Variants in EEF1D observed in about 807,000 individuals in gnomAD.
EEF1D encodes eukaryotic translation elongation factor 1 delta.
Under a neutral mutation model 63.9 loss-of-function variants are expected in EEF1D, and 47 were observed. The observed-to-expected ratio is 0.74, with a 90% CI of 0.58 to 0.94. The LOEUF is 0.94. Ranked by LOEUF, EEF1D falls within the 40% of genes least tolerant of loss-of-function variation. EEF1D has a pLI of 0.00. For synonymous variants in EEF1D, 412 were observed against 386.1 expected, an observed-to-expected ratio of 1.07 and a Z score of -0.79; for missense variants, 907 against 899.0, an observed-to-expected ratio of 1.01 and a Z score of -0.11.
chr8:143,590,188 CTCCCT>C, intron 2 of EEF1D, 107 bp from the exon 3 acceptor site: 2 of 1,517,044 alleles, frequency 1.3e-6, no homozygotes, highest in Non-Finnish European at 1.8e-6. Flanking sequence ...CGTGGCTGCC[CTCCCT>C]GGGCAGGGGC....
At chr8:143,586,404 G>T (rs776473446) in intron 4 of EEF1D, 114 bp from the exon 5 acceptor site, 4 of 1,045,604 alleles carry the variant, frequency 3.8e-6, no homozygotes, top group Non-Finnish European at 5.4e-6. Context: ...AGAAAGTACT[G>T]CACAGAACGA....
chr8:143,584,785 A>G (rs2130921885), intron 5 of EEF1D, among the ~76,000 whole-genome samples: 1 of 152,320 alleles, frequency 6.6e-6, no homozygotes, highest in South Asian at 2.1e-4. Flanking sequence ...TGGGCCACAC[A>G]GGAGCGCTCC....
chr8:143,587,069 A>T (rs1826804725), intron 3 of EEF1D: 1 of 514,404 alleles, frequency 1.9e-6, no homozygotes, highest in African/African-American at 2.0e-5. Context: ...AGAACCTCTG[A>T]GGGTCCCCAG....
intron 5 of EEF1D, chr8:143,582,959 C>T (rs1347253607): frequency 1.3e-5 from 2 of 152,284 alleles, no homozygotes; most frequent in Non-Finnish European, 2.9e-5. Context: ...TGAGCACTCC[C>T]ACCCCAAATC....
At position 143,589,065 on chromosome 8, in the gene EEF1D, C is replaced by T; in HGVS notation, c.1017G>A (p.Trp339Ter). 6.2e-7 allele frequency: 1 copy of T among 1,608,516 alleles called. No homozygotes were observed. Among genetic ancestry groups the T allele is most frequent in the Non-Finnish European group, 8.5e-7 (1 of 1,179,480 alleles). The change falls in exon 3 of 10, where the codon TGG (tryptophan) becomes TGA (stop). Residue 339 changes from tryptophan (W) to a stop codon, truncating the protein, a stop_gained. Coordinates refer to ENST00000618139, the MANE Select transcript of EEF1D (RefSeq NM_001130053.5). LOFTEE classifies it high-confidence loss of function. ...GAGACAGGGAGGCAGCTTCGAGGCA[C>T]CAGGCCACCCGCAGGGCCTCGGCAG... is the stretch of plus-strand genomic sequence containing the variant. ...HHAAEALRVA[W>*]CLEAASLSHR...
In EEF1D at chr8:143,589,021, G is replaced by A; in HGVS notation, c.1061C>T (p.Ser354Phe). Residue 354 changes from serine (S) to phenylalanine (F), a missense_variant, in exon 3 of 10, where the codon TCT becomes TTT. Coordinates refer to ENST00000618139, the MANE Select transcript of EEF1D (RefSeq NM_001130053.5). Reference sequence around the variant, plus strand: ...TCTCAGGCTGGACACGGACAGGCCAGACCGAGGACCGGGTCGGTGAGACAG... The same window carrying A: ...TCTCAGGCTGGACACGGACAGGCCAAACCGAGGACCGGGTCGGTGAGACAG... ...ASLSHRPGPRSGLSVSSLRPN... is the reference protein window; with the variant it reads ...ASLSHRPGPRFGLSVSSLRPN... 4 of 1,600,208 alleles carry A rather than the reference G, an allele frequency of 2.5e-6. No homozygotes were observed. The highest frequency in any genetic ancestry group is 2.5e-6 in the Non-Finnish European group (3 of 1,179,494).
intron 5 of EEF1D, among the ~76,000 whole-genome samples, chr8:143,584,821 G>A (rs901039425): frequency 3.9e-5 from 6 of 152,318 alleles, no homozygotes; most frequent in Admixed American, 1.3e-4. Flanking sequence ...GACCCGCCGG[G>A]CTGGACTGTG....
intron 4 of EEF1D, 67 bp downstream of exon 4, chr8:143,586,662 C>T: frequency 6.3e-7 from 1 of 1,583,760 alleles, no homozygotes. Flanking sequence ...GCTGAATCCG[C>T]TTTGTGTGCC....
In EEF1D at chr8:143,589,237, T is replaced by TTGCGGCCCCGCCGGTCTC. The variant is rs532050197; in HGVS notation, c.827_844dup (p.Arg276_Arg281dup). 5 of 1,565,084 alleles carry TTGCGGCCCCGCCGGTCTC rather than the reference T, an allele frequency of 3.2e-6. No homozygotes were observed. Among genetic ancestry groups the TTGCGGCCCCGCCGGTCTC allele is most frequent in the African/African-American group, 2.7e-5 (2 of 73,818 alleles). On this transcript the variant is annotated inframe_insertion, in exon 3 of 10. Coordinates refer to ENST00000618139, the MANE Select transcript of EEF1D (RefSeq NM_001130053.5). The stretch of plus-strand genomic sequence containing the variant: ...CCCGGCCCGCTTGTTCCCTAAGATG[T>TTGCGGCCCCGCCGGTCTC]TGCGGCCCCGCCGGTCTCTGCGGCC...
Position 143,581,343 on chromosome 8 carries a change from G to A in EEF1D, c.1288-15C>T, listed in dbSNP as rs375110030. 5.0e-6 allele frequency: 8 copies of A among 1,607,052 alleles called. No homozygotes were observed. The highest frequency in any genetic ancestry group is 5.9e-6 in the Non-Finnish European group (7 of 1,177,982). On this transcript the variant is annotated splice_polypyrimidine_tract_variant and intron_variant, in intron 5 of 9. Coordinates refer to ENST00000618139, the MANE Select transcript of EEF1D (RefSeq NM_001130053.5). ...GGGCCTGAGCTCTGCAAGGCAGGAG[G>A]AGGGGAGGGCTCAGTGCCCAGCCTG... is the stretch of plus-strand genomic sequence containing the variant.
intron 2 of EEF1D, chr8:143,592,004 GGGGCCCATGGGAGGCCACA>G: frequency 2.0e-6 from 2 of 978,432 alleles, no homozygotes; most frequent in South Asian, 9.5e-5. Flanking sequence ...ACGAGGAACC[GGGGCCCATGGGAGGCCACA>G]GGGCCCATGA....
chr8:143,588,759 C>A, intron 3 of EEF1D: 1 of 608,080 alleles, frequency 1.6e-6, no homozygotes, highest in Non-Finnish European at 2.8e-6. Context: ...CCTTCCCTGC[C>A]CTCATCCAGG....
intron 1 of EEF1D, among the ~76,000 whole-genome samples, chr8:143,594,896 C>T (rs1461845627): frequency 3.0e-5 from 2 of 66,286 alleles, no homozygotes; most frequent in African/African-American, 6.7e-5. Flanking sequence ...TGTCTTCCTG[C>T]GTGGAGTGAG....
At chr8:143,590,190 C>T in intron 2 of EEF1D, 109 bp from the exon 3 acceptor site, 2 of 1,484,670 alleles carry the variant, frequency 1.3e-6, no homozygotes, top group South Asian at 2.4e-5. Context: ...TGGCTGCCCT[C>T]CCTGGGCAGG....
chr8:143,596,913 C>T (rs1264889805), intron 1 of EEF1D: 1 of 152,358 alleles, frequency 6.6e-6, no homozygotes, highest in Non-Finnish European at 1.5e-5. Context: ...GCGTCCGTGC[C>T]TATCCCCTCC....
At chr8:143,580,408 C>T (rs1825207653) in intron 8 of EEF1D, 98 bp downstream of exon 8, 2 of 1,449,862 alleles carry the variant, frequency 1.4e-6, no homozygotes, top group South Asian at 2.5e-5. Flanking sequence ...TAAAGTCTCC[C>T]CAGAACCCAG....
Position 143,597,349 on chromosome 8 carries a change from CGCCA to C in EEF1D, c.-20_-17del, listed in dbSNP as rs762605143. 1 of 152,236 alleles carries C rather than the reference CGCCA, an allele frequency of 6.6e-6. No individual in the cohort carries two copies. The highest frequency in any genetic ancestry group is 1.9e-4 in the East Asian group (1 of 5,166). 9.4% of individuals were successfully genotyped at this position (152,236 alleles called of 1,614,324 possible). On this transcript the variant is annotated splice_region_variant and 5_prime_UTR_variant, in exon 1 of 10. Coordinates refer to ENST00000618139, the MANE Select transcript of EEF1D (RefSeq NM_001130053.5). ...TCCGGCGGGGGCCGCGGTACTCACA[CGCCA>C]GCCAAGGACGCGGCGACCAAGGAGG...
chr8:143,579,865 TC>T, intron 9 of EEF1D, 35 bp from the exon 10 acceptor site: 1 of 1,542,906 alleles, frequency 6.5e-7, no homozygotes, highest in East Asian at 2.3e-5. Flanking sequence ...TCAGGGCTGT[TC>T]CCCTACAGCC....
Position 143,589,467 on chromosome 8 carries a change from G to A in EEF1D, c.615C>T (p.Val205=). Residue 205 remains valine (V), a synonymous_variant, in exon 3 of 10, where the codon GTC becomes GTT. Coordinates refer to ENST00000618139, the MANE Select transcript of EEF1D (RefSeq NM_001130053.5). ...GTPNTGQQVA[V]PDLAHQPSPP... is the part of the protein sequence containing the mutation. ...GGCTGGGCTGGTGGGCCAGGTCGGG[G>A]ACGGCCACCTGCTGGCCTGTGTTGG... is the stretch of plus-strand genomic sequence containing the variant. 6.5e-7 allele frequency: 1 copy of A among 1,530,174 alleles called. No homozygotes were observed. The highest frequency in any genetic ancestry group is 8.8e-7 in the Non-Finnish European group (1 of 1,135,122). The allele number at this position is 1,530,174 out of a possible 1,614,324, so 94.8% of individuals were successfully genotyped here.
Sources: gnomAD v4.1 joint callset for allele counts (sites outside exome capture counted in the v4.1 genomes callset) on GRCh38, gnomAD v4.1.1 for gene constraint, MANE v1.5 for transcripts, NCBI Gene and HGNC (gene_info 2026-07-23, HGNC 2026-07-21) for gene names.